The following SEC16B variants were observed in gnomAD, a reference collection of about 807,000 sequenced individuals.
SEC16B encodes protein transport protein Sec16B.
A neutral mutation model predicts 141.8 loss-of-function variants in SEC16B; 115 were observed. The ratio of observed to expected loss-of-function variants is 0.81; its 90% CI spans 0.70 to 0.95. The LOEUF (loss-of-function observed/expected upper bound fraction) is 0.95. SEC16B is among the 40% of genes least tolerant of loss of function. The pLI, the probability that SEC16B is intolerant of heterozygous loss-of-function variation, is 0.00. For missense variants in SEC16B, 1,291 were observed against 1,312.3 expected, an observed-to-expected ratio of 0.98 and a Z score of 0.25; for synonymous variants, 493 against 492.5, an observed-to-expected ratio of 1.00 and a Z score of -0.01.
chr1:177,944,611 C>A lies in SEC16B; in HGVS notation c.1831G>T (p.Glu611Ter). ...GGGCGGCCCAGCATCTGACAGTACT[C>A]GAAGATTTCCGTCCTCTGGATTGCC... ...TEAIQRTEIF[E>*]YCQMLGRPKS... The change falls in exon 15 of 26, where the codon GAG (glutamate) becomes TAG (stop). Residue 611 changes from glutamate to a stop codon, truncating the protein, a stop_gained. Coordinates refer to ENST00000308284, the MANE Select transcript of SEC16B (RefSeq NM_033127.4). LOFTEE classifies it high-confidence loss of function. 6.2e-7 allele frequency: 1 copy of A among 1,613,822 alleles called. No homozygotes were observed. The highest frequency in any genetic ancestry group is 8.5e-7 in the Non-Finnish European group (1 of 1,179,790).
intron 9 of SEC16B, 114 bp downstream of exon 9, chr1:177,958,726 T>C (rs1443541608): frequency 6.7e-6 from 9 of 1,349,204 alleles, no homozygotes; most frequent in Non-Finnish European, 7.9e-6. Context: ...CTTGGGGCAA[T>C]TTGTGGCTTC....
At position 177,933,252 on chromosome 1, in the gene SEC16B, C is replaced by T. The variant is rs61745560; in HGVS notation, c.2785G>A (p.Ala929Thr). The T allele has an allele frequency of 6.3e-7, 1 of 1,595,838 alleles. No homozygotes were observed. The highest frequency in any genetic ancestry group is 8.5e-7 in the Non-Finnish European group (1 of 1,171,280). ...CTGTCTGAGGAGTCCTCGTCTCCAG[C>T]GGGGGATGCGTTCTTGGTGGGCTTC... ...RSKPTKNASP[A>T]GDEDSSDSPD... The change falls in exon 22 of 26, where the codon GCT becomes ACT. Residue 929 changes from alanine (A) to threonine (T), a missense_variant. Physicochemically the swap from Ala to Thr is moderately conservative, Grantham distance 58. This residue lies in a region of SEC16B where 605 missense variants were observed against 614.1 expected (regional missense o/e 0.99). Transcript: ENST00000308284.
chr1:177,951,268 C>A (rs2101951121), intron 12 of SEC16B, among the ~76,000 whole-genome samples: 1 of 152,112 alleles, frequency 6.6e-6, no homozygotes, highest in Non-Finnish European at 1.5e-5. Flanking sequence ...GCTATATATA[C>A]CCCAAGGAAA....
chr1:177,946,191 C>A (rs1651686459), intron 14 of SEC16B: 1 of 613,106 alleles, frequency 1.6e-6, no homozygotes, highest in African/African-American at 1.8e-5. Flanking sequence ...ATCAGCCCAC[C>A]TCTTTGCAGA....
At chr1:177,945,507 G>C (rs1342181279) in intron 14 of SEC16B, 1 of 152,236 alleles carries the variant, frequency 6.6e-6, no homozygotes, top group Non-Finnish European at 1.5e-5. Context: ...GAAGGAACAG[G>C]CAATGAGCTG....
chr1:177,953,470 G>A (rs1557980501), intron 11 of SEC16B, among the ~76,000 whole-genome samples: 1 of 152,166 alleles, frequency 6.6e-6, no homozygotes, highest in Non-Finnish European at 1.5e-5. Flanking sequence ...CCTTAAAGGA[G>A]GGTCCCTCAC....
chr1:177,942,185 AT>A, intron 15 of SEC16B, 145 bp from the exon 16 acceptor site: 1 of 861,416 alleles, frequency 1.2e-6, no homozygotes, highest in Non-Finnish European at 1.7e-6. Context: ...CATTTGGAGC[AT>A]TTTATCTATG....
intron 10 of SEC16B, among the ~76,000 whole-genome samples, chr1:177,957,313 G>C (rs1252896858): frequency 6.6e-6 from 1 of 151,866 alleles, no homozygotes; most frequent in African/African-American, 2.4e-5. Context: ...ACATTAATAT[G>C]ATGGAATATT....
rs771940600 is a variant in SEC16B at position 177,942,047 on chromosome 1, A to G, written c.1882-7T>C. On this transcript the variant is annotated splice_region_variant and splice_polypyrimidine_tract_variant and intron_variant, in intron 15 of 25. Transcript: ENST00000308284. The stretch of plus-strand genomic sequence containing the variant: ...CATAAAGGAGCTTATACACCTGTGA[A>G]GAGAAAAGAGTCAGTGACTAGTCCA... The G allele has an allele frequency of 6.8e-6, 11 of 1,610,570 alleles. No homozygotes were observed. The highest frequency in any genetic ancestry group is 9.3e-6 in the Non-Finnish European group (11 of 1,178,152).
At position 177,932,695 on chromosome 1, in the gene SEC16B, T is replaced by A; in HGVS notation, c.2932+3A>T. On this transcript the variant is annotated splice_donor_region_variant and intron_variant, in intron 23 of 25. Transcript: ENST00000308284. ...TGGCCCAGAGGACGTGAGGTGACGGTACCTCTGCCCCTGGAGAAGGCACTA... is the reference window on the plus strand; with the variant it reads ...TGGCCCAGAGGACGTGAGGTGACGGAACCTCTGCCCCTGGAGAAGGCACTA... 6.3e-7 allele frequency: 1 copy of A among 1,576,854 alleles called. No homozygotes were observed. The highest frequency in any genetic ancestry group is 1.3e-5 in the African/African-American group (1 of 74,258).
At chr1:177,947,316 G>C (rs1007388842) in intron 13 of SEC16B, among the ~76,000 whole-genome samples, 1 of 152,214 alleles carries the variant, frequency 6.6e-6, no homozygotes, top group Non-Finnish European at 1.5e-5. Context: ...AAGACTACAG[G>C]GTTAACCCAG....
At chr1:177,960,641 C>T (rs2101981100) in intron 7 of SEC16B, 150 bp downstream of exon 7, 1 of 852,528 alleles carries the variant, frequency 1.2e-6, no homozygotes, top group Non-Finnish European at 1.8e-6. Flanking sequence ...CTGCACCCTC[C>T]TAATCCAGGG....
At chr1:177,937,706 T>G (rs77696295) in intron 18 of SEC16B, among the ~76,000 whole-genome samples, 193 bp from the exon 19 acceptor site, 3,307 of 152,258 alleles carry the variant, frequency 0.022, 59 homozygotes, top group East Asian at 0.065. Context: ...GTTTACAGAA[T>G]TTTGTTTGTT....
chr1:177,970,372 A>T (rs1006248512), upstream of SEC16B, among the ~76,000 whole-genome samples: 2 of 152,200 alleles, frequency 1.3e-5, no homozygotes, highest in Non-Finnish European at 2.9e-5. Flanking sequence ...CTTTTTCTTT[A>T]AAATGGGAAT....
chr1:177,940,144 CCTGTTCCAATTA>C (rs1213964337), intron 17 of SEC16B, among the ~76,000 whole-genome samples: 6 of 152,188 alleles, frequency 3.9e-5, no homozygotes, highest in African/African-American at 1.2e-4. Context: ...TGGAGGAGGC[CCTGTTCCAATTA>C]CTGTTCCAAT....
chr1:177,947,510 G>T (rs1651800453), intron 13 of SEC16B, among the ~76,000 whole-genome samples: 1 of 151,978 alleles, frequency 6.6e-6, no homozygotes, highest in South Asian at 2.1e-4. Flanking sequence ...TCAGGGGCCT[G>T]GCCTGCATTC....
intron 10 of SEC16B, 126 bp from the exon 11 acceptor site, chr1:177,954,502 A>G (rs1652447415): frequency 1.4e-6 from 1 of 691,168 alleles, no homozygotes. Flanking sequence ...AGAGCCTCAT[A>G]TAAGAATGTG....
chr1:177,963,741 A>C (rs1488247863), intron 5 of SEC16B, among the ~76,000 whole-genome samples: 1 of 152,238 alleles, frequency 6.6e-6, no homozygotes, highest in Non-Finnish European at 1.5e-5. Context: ...TTTAGAGGAA[A>C]GGGATGAATG....
chr1:177,963,590 G>A (rs1469965012), intron 5 of SEC16B, among the ~76,000 whole-genome samples: 2 of 152,184 alleles, frequency 1.3e-5, no homozygotes, highest in East Asian at 1.9e-4. Context: ...GCAACAGAGT[G>A]AGACTCTGTC....
Sources: allele counts gnomAD v4.1 joint callset (sites outside exome capture counted in the v4.1 genomes callset), GRCh38; gene constraint gnomAD v4.1.1; regional missense constraint gnomAD v4.1.1; transcripts MANE v1.5; gene names NCBI Gene and HGNC (gene_info 2026-07-23, HGNC 2026-07-21).